DST: variants seen among roughly 807,000 people sequenced by gnomAD.
DST encodes dystonin, also known as bullous pemphigoid antigen.
In DST, 253 loss-of-function variants were observed where a neutral mutation model predicts 875.2. The ratio of observed to expected loss-of-function variants is 0.29; its 90% confidence interval spans 0.26 to 0.32. The LOEUF (loss-of-function observed/expected upper bound fraction) is 0.32, where lower values mean the gene tolerates loss of function less well. Ranked by LOEUF, DST falls within the 10% of genes least tolerant of loss-of-function variation. The probability of loss-of-function intolerance (pLI) is 1.00; values close to 1 mark genes in which losing one functional copy is unlikely to be tolerated. For synonymous variants in DST, 3,124 were observed against 3,197.1 expected, an observed-to-expected ratio of 0.98 and a Z score of 0.77; for missense variants, 8,287 against 9,111.6, an observed-to-expected ratio of 0.91 and a Z score of 3.68.
chr6:56,751,346 T>C (rs980552220), intron 4 of DST, among the ~76,000 whole-genome samples: 1 of 152,182 alleles, frequency 6.6e-6, no homozygotes, highest in South Asian at 2.1e-4. Flanking sequence ...TATAAGGGGA[T>C]ATGCCAATAT....
At chr6:56,538,560 G>A (rs189244306) in intron 61 of DST, among the ~76,000 whole-genome samples, 7 of 152,264 alleles carry the variant, frequency 4.6e-5, no homozygotes, top group African/African-American at 1.7e-4. Flanking sequence ...AGAGGCTGCA[G>A]GAGACAAATC....
rs755375868 is a variant in DST at position 56,553,245 on chromosome 6, C to T, written c.15547G>A (p.Asp5183Asn). The change falls in exon 61 of 104, where the codon GAC (aspartate) becomes AAC (asparagine). Residue 5183 changes from aspartate (D) to asparagine (N), a missense_variant. Physicochemically the swap from Asp to Asn is conservative, Grantham distance 23. Transcript: ENST00000680361. ...TCCTCCAGGTTGTTTTGGCATTTGT[C>T]TATCCATGGCCAGAGAGTCTCTACT... ...EQVETLWPWI[D>N]KCQNNLEEIK... The T allele has an allele frequency of 1.1e-5, 18 of 1,613,700 alleles. No individual in the cohort carries two copies. The highest frequency in any genetic ancestry group is 5.0e-5 in the Admixed American group (3 of 60,000).
intron 37 of DST, among the ~76,000 whole-genome samples, chr6:56,611,925 T>C (rs1247528797): frequency 6.6e-6 from 1 of 152,204 alleles, no homozygotes; most frequent in Non-Finnish European, 1.5e-5. Context: ...TGGCCCAGTG[T>C]CATCCTTGCG....
At chr6:56,676,145 C>T (rs1588334274) in intron 9 of DST, among the ~76,000 whole-genome samples, 1 of 152,296 alleles carries the variant, frequency 6.6e-6, no homozygotes, top group East Asian at 1.9e-4. Flanking sequence ...CAGCTCACTG[C>T]AATCTCCACC....
intron 4 of DST, among the ~76,000 whole-genome samples, chr6:56,800,380 T>C (rs1195340349): frequency 6.6e-6 from 1 of 152,248 alleles, no homozygotes; most frequent in Non-Finnish European, 1.5e-5. Flanking sequence ...TTTTCTTAAC[T>C]GTACATAGTA....
intron 2 of DST, among the ~76,000 whole-genome samples, chr6:56,921,216 T>C (rs1206732111): frequency 6.6e-6 from 1 of 152,154 alleles, no homozygotes; most frequent in Non-Finnish European, 1.5e-5. Flanking sequence ...AGAATATAGG[T>C]TTATTATCTA....
chr6:56,769,995 ATCAAAATTT>A (rs1269091463), intron 4 of DST, among the ~76,000 whole-genome samples: 1 of 152,216 alleles, frequency 6.6e-6, no homozygotes, highest in African/African-American at 2.4e-5. Context: ...ATACAGTTAC[ATCAAAATTT>A]TGGCTAAAGA....
At chr6:56,680,111 A>G (rs527820018) in intron 9 of DST, among the ~76,000 whole-genome samples, 1 of 152,172 alleles carries the variant, frequency 6.6e-6, no homozygotes, top group Non-Finnish European at 1.5e-5. Context: ...ACTTAACACC[A>G]TCTCTCTCCC....
intron 49 of DST, 70 bp downstream of exon 49, chr6:56,592,112 C>A (rs2098286194): frequency 7.0e-7 from 1 of 1,420,652 alleles, no homozygotes; most frequent in African/African-American, 1.4e-5. Flanking sequence ...GAAACTATCA[C>A]AAAAGTGTGA....
At position 56,593,965 on chromosome 6, in the gene DST, C is replaced by T. The variant is rs2098330259; in HGVS notation, c.12424G>A (p.Asp4142Asn). The T allele has an allele frequency of 1.9e-6, 3 of 1,613,932 alleles. No homozygotes were observed. The highest frequency in any genetic ancestry group is 2.5e-6 in the Non-Finnish European group (3 of 1,179,864). ...LQEELEKFDA[D>N]YTEFEHWLQQ... The stretch of plus-strand genomic sequence containing the variant: ...AGCCAGTGCTCAAACTCGGTATAGT[C>T]AGCATCAAACTTTTCTAATTCTTCC... Residue 4142 changes from aspartate to asparagine, a missense_variant, in exon 48 of 104, where the codon GAC becomes AAC. Physicochemically the swap from Asp to Asn is conservative, Grantham distance 23 (BLOSUM62 1). Around this residue, in one of 10 missense-constraint regions of DST, gnomAD observed 1,513 missense variants for 1,677.8 expected, o/e 0.90. Transcript: ENST00000680361.
intron 22 of DST, among the ~76,000 whole-genome samples, chr6:56,638,577 C>T (rs775469168): frequency 6.6e-6 from 1 of 152,132 alleles, no homozygotes; most frequent in African/African-American, 2.4e-5. Flanking sequence ...TACTTTCTTA[C>T]ATAATCCCCC....
chr6:56,769,899 T>C (rs2099644992), intron 4 of DST, among the ~76,000 whole-genome samples: 2 of 152,210 alleles, frequency 1.3e-5, no homozygotes, highest in African/African-American at 4.8e-5. Context: ...ATCCATACTC[T>C]GCCCACTTCC....
chr6:56,508,673 C>G lies in DST; in HGVS notation c.19095G>C (p.Leu6365=). 5 of 1,613,846 alleles carry G rather than the reference C, an allele frequency of 3.1e-6. No individual in the cohort carries two copies. The highest frequency in any genetic ancestry group is 4.2e-6 in the Non-Finnish European group (5 of 1,179,784). Reference sequence around the variant, plus strand: ...ACTTTTCTGCTAGCTCCATCACATCCAGTAGTTTGGCTTCCCTCTCTTCCA... The same window carrying G: ...ACTTTTCTGCTAGCTCCATCACATCGAGTAGTTTGGCTTCCCTCTCTTCCA... ...TLVEEREAKL[L]DVMELAEKFW... The change falls in exon 75 of 104, where the codon CTG becomes CTC. Residue 6365 remains leucine (L), a synonymous_variant. Transcript: ENST00000680361.
At chr6:56,894,377 C>T (rs1274535094) in intron 3 of DST, among the ~76,000 whole-genome samples, 22 of 96,026 alleles carry the variant, frequency 2.3e-4, no homozygotes, top group South Asian at 2.8e-4. Context: ...ACCTCCCTCC[C>T]GGACGGGGCG....
In DST at chr6:56,607,607, G is replaced by A; in HGVS notation, c.7021C>T (p.Pro2341Ser). The A allele has an allele frequency of 2.5e-6, 4 of 1,613,160 alleles. No homozygotes were observed. The highest frequency in any genetic ancestry group is 3.4e-6 in the Non-Finnish European group (4 of 1,179,544). Residue 2341 changes from proline (P) to serine (S), a missense_variant, in exon 40 of 104, where the codon CCC (proline) becomes TCC (serine). Physicochemically the swap from Pro to Ser is moderately conservative, Grantham distance 74. Around this residue, in one of 10 missense-constraint regions of DST, gnomAD observed 3,138 missense variants for 3,116.6 expected, o/e 1.01. Coordinates refer to ENST00000680361, the MANE Select transcript of DST (RefSeq NM_001374736.1). ...TGTGTTAAATATGATATGAGACTGG[G>A]AACACACACACTGGGTGAACTGTTA... is the stretch of plus-strand genomic sequence containing the variant. ...KVNSSPSVCV[P>S]SLISYLTQTE...
Position 56,900,528 on chromosome 6 carries a change from G to T in DST, c.310C>A (p.His104Asn). 7.3e-7 allele frequency: 1 copy of T among 1,367,654 alleles called. No individual in the cohort carries two copies. Among genetic ancestry groups the T allele is most frequent in the Non-Finnish European group, 9.8e-7 (1 of 1,021,862 alleles). The allele number at this position is 1,367,654 out of a possible 1,614,324, so 84.7% of individuals were successfully genotyped here. A position where few individuals can be genotyped will look rare whatever the true frequency, so the allele number is the denominator to read the frequency against. ...EEVKPVVEVH[H>N]QSEQETSVRK... ...ACTGAAGTTTCTTGCTCACTCTGAT[G>T]GTGAACTTCCACCACGGGCTTCACT... Residue 104 changes from histidine to asparagine, a missense_variant, in exon 3 of 104, where the codon CAT (histidine) becomes AAT (asparagine). Transcript: ENST00000680361.
chr6:56,830,747 A>G (rs1438562766), intron 4 of DST, among the ~76,000 whole-genome samples: 3 of 152,248 alleles, frequency 2.0e-5, no homozygotes, highest in Non-Finnish European at 4.4e-5. Flanking sequence ...ACATTAAACA[A>G]AAGGTAAGCC....
intron 4 of DST, chr6:56,742,261 T>C (rs2099549812): frequency 7.8e-7 from 1 of 1,280,242 alleles, no homozygotes; most frequent in Non-Finnish European, 1.0e-6. Context: ...GTATATGTGA[T>C]ACTACTAACC....
intron 88 of DST, chr6:56,484,959 T>C (rs1219009909): frequency 5.2e-6 from 1 of 193,262 alleles, no homozygotes; most frequent in East Asian, 1.5e-4. Flanking sequence ...ACTGAATGAA[T>C]GATTTTAAAT....
Sources: gnomAD v4.1 joint callset for allele counts (sites outside exome capture counted in the v4.1 genomes callset) on GRCh38, gnomAD v4.1.1 for gene constraint, gnomAD v4.1.1 regional missense constraint, MANE v1.5 for transcripts, NCBI Gene and HGNC (gene_info 2026-07-23, HGNC 2026-07-21) for gene names.